The following MEMO1 variants were observed in gnomAD, a reference collection of about 807,000 sequenced individuals.
The protein encoded by MEMO1 is protein MEMO1.
Under a neutral mutation model 45.2 loss-of-function variants are expected in MEMO1, and 6 were observed. That is an observed-to-expected ratio of 0.13 (90% CI 0.07 to 0.26). The LOEUF is 0.26. Among genes scored for constraint, MEMO1 ranks in the 10% least tolerant of loss-of-function variants. The pLI is 1.00. For missense variants in MEMO1, 184 were observed against 370.5 expected (o/e 0.50, Z 4.13); for synonymous variants, 78 against 124.3 (o/e 0.63, Z 2.48).
chr2:31,876,717 T>C (rs1674621366), intron 8 of MEMO1, among the ~76,000 whole-genome samples: 1 of 152,070 alleles, frequency 6.6e-6, no homozygotes, highest in Non-Finnish European at 1.5e-5. Flanking sequence ...TTGGTCCTTA[T>C]GGCCTAAATA....
intron 4 of MEMO1, among the ~76,000 whole-genome samples, chr2:31,927,424 A>C (rs1683271732): frequency 6.6e-6 from 1 of 152,198 alleles, no homozygotes; most frequent in Non-Finnish European, 1.5e-5. Flanking sequence ...ATTAAAGAAA[A>C]ATATCCACAA....
Position 31,935,020 on chromosome 2 carries a change from A to G in MEMO1, c.144-2885T>C, listed in dbSNP as rs1055593130. On this transcript the variant is annotated intron_variant, in intron 3 of 9. Transcript: ENST00000404530. ...ATAATAATAGTAACATTTACTGACT[A>G]CTTCCTATGTATCAGGCATCTTCTA... is the stretch of plus-strand genomic sequence containing the variant. Among the ~76,000 whole-genome samples the G allele has an allele frequency of 1.4e-4, 21 of 152,336 alleles. 1 individual carries two copies. The highest frequency in any genetic ancestry group is 5.0e-4 in the African/African-American group (21 of 41,586).
At chr2:31,873,026 GAT>G (rs1032298303) in intron 8 of MEMO1, among the ~76,000 whole-genome samples, 16 of 152,080 alleles carry the variant, frequency 1.1e-4, no homozygotes, top group African/African-American at 3.9e-4. Context: ...ATTCCAAAAA[GAT>G]AGAAATGCTA....
intron 8 of MEMO1, among the ~76,000 whole-genome samples, chr2:31,875,933 C>T (rs1039331889): frequency 3.4e-4 from 51 of 152,068 alleles, no homozygotes; most frequent in African/African-American, 1.2e-3. Context: ...GTGATCTGCT[C>T]GCCTCGGCCC....
chr2:31,943,007 T>C (rs1005483303), intron 3 of MEMO1, among the ~76,000 whole-genome samples: 6 of 152,156 alleles, frequency 3.9e-5, no homozygotes, highest in Non-Finnish European at 8.8e-5. Context: ...AAACTTACAG[T>C]GCAGGCCAGG....
At chr2:31,906,299 TGTTTTTTTTG>T (rs1679723500) in intron 6 of MEMO1, among the ~76,000 whole-genome samples, 1 of 149,350 alleles carries the variant, frequency 6.7e-6, no homozygotes, top group Non-Finnish European at 1.5e-5. Context: ...TTTTTGTTTT[TGTTTTTTTTG>T]TTTGTTTGTT....
intron 2 of MEMO1, among the ~76,000 whole-genome samples, chr2:31,981,230 C>G (rs1275104374): frequency 2.0e-5 from 3 of 152,196 alleles, no homozygotes; most frequent in Non-Finnish European, 4.4e-5. Flanking sequence ...TTGAGAACCA[C>G]AGCAGGAGTA....
chr2:31,879,484 A>ATAATTTCAAAATGTT (rs1439873401), intron 8 of MEMO1, among the ~76,000 whole-genome samples: 1 of 152,156 alleles, frequency 6.6e-6, no homozygotes, highest in Non-Finnish European at 1.5e-5. Flanking sequence ...TCATACACCA[A>ATAATTTCAAAATGTT]TAATTTCAAA....
At chr2:31,893,406 ACT>A in intron 6 of MEMO1, 5 of 1,043,400 alleles carry the variant, frequency 4.8e-6, no homozygotes, top group Non-Finnish European at 5.9e-6. Context: ...TTGCTAAATA[ACT>A]CCCTGACTGA....
At chr2:31,986,152 T>G (rs1176766608) in intron 2 of MEMO1, among the ~76,000 whole-genome samples, 4 of 152,120 alleles carry the variant, frequency 2.6e-5, no homozygotes, top group Non-Finnish European at 5.9e-5. Flanking sequence ...CCCAGCACTT[T>G]GGGAGGCCGA....
chr2:32,004,466 C>A (rs1309161756), intron 2 of MEMO1, among the ~76,000 whole-genome samples: 1 of 152,110 alleles, frequency 6.6e-6, no homozygotes, highest in Non-Finnish European at 1.5e-5. Context: ...ATTAAAACTA[C>A]ACTACAATAT....
chr2:31,934,829 C>T (rs1260160766), intron 3 of MEMO1, among the ~76,000 whole-genome samples: 1 of 152,108 alleles, frequency 6.6e-6, no homozygotes, highest in Non-Finnish European at 1.5e-5. Context: ...AATAGAAGCT[C>T]TCTTGAAAAT....
chr2:31,873,967 C>T (rs1310545602), intron 8 of MEMO1, among the ~76,000 whole-genome samples: 1 of 151,868 alleles, frequency 6.6e-6, no homozygotes, highest in African/African-American at 2.4e-5. Context: ...GGCTTAGGTT[C>T]AAGAGAAAGA....
At chr2:31,990,576 T>C (rs1671828267) in intron 2 of MEMO1, among the ~76,000 whole-genome samples, 1 of 150,006 alleles carries the variant, frequency 6.7e-6, no homozygotes, top group Non-Finnish European at 1.5e-5. Flanking sequence ...TTTTTCTTTT[T>C]TTTTTTTTTT....
chr2:31,919,176 G>A (rs1681908104), intron 5 of MEMO1, among the ~76,000 whole-genome samples: 1 of 151,330 alleles, frequency 6.6e-6, no homozygotes, highest in African/African-American at 2.4e-5. Flanking sequence ...ACCCAGGCCA[G>A]GCTGGGTGAC....
chr2:31,913,248 CAAAAAAAAAA>C (rs3065389), intron 6 of MEMO1, among the ~76,000 whole-genome samples: 3 of 44,424 alleles, frequency 6.8e-5, no homozygotes, highest in Admixed American at 2.4e-4. Flanking sequence ...GACTCCGTCT[CAAAAAAAAAA>C]AAAAAAAAAA....
chr2:31,893,335 GA>G (rs1677227369), intron 6 of MEMO1: 27 of 1,164,068 alleles, frequency 2.3e-5, no homozygotes, highest in South Asian at 1.7e-4. Context: ...TGGAGTAAGA[GA>G]AAAAAAGGAA....
chr2:31,992,699 A>C (rs1046999551), intron 2 of MEMO1, among the ~76,000 whole-genome samples: 2 of 152,032 alleles, frequency 1.3e-5, no homozygotes, highest in Non-Finnish European at 2.9e-5. Flanking sequence ...CAGGAGAATC[A>C]CTCGAACCCA....
intron 2 of MEMO1, among the ~76,000 whole-genome samples, chr2:31,969,124 C>T (rs1449923890): frequency 6.6e-6 from 1 of 151,756 alleles, no homozygotes; most frequent in East Asian, 1.9e-4. Flanking sequence ...AATCTAGTCA[C>T]TATATCCAAC....
Sources: gnomAD v4.1 joint callset for allele counts (sites outside exome capture counted in the v4.1 genomes callset) on GRCh38, gnomAD v4.1.1 for gene constraint, MANE v1.5 for transcripts, NCBI Gene and HGNC (gene_info 2026-07-23, HGNC 2026-07-21) for gene names.